Variants in BRIP1 observed in about 807,000 individuals in gnomAD.
The protein encoded by BRIP1 is Fanconi anemia group J protein.
In BRIP1, 88 loss-of-function variants were observed where a neutral mutation model predicts 119.7. That is an observed-to-expected ratio of 0.74 (90% CI 0.62 to 0.88). The LOEUF (loss-of-function observed/expected upper bound fraction) is 0.88. Ranked by LOEUF, BRIP1 falls within the 40% of genes least tolerant of loss-of-function variation. BRIP1 has a pLI of 0.00. For synonymous variants in BRIP1, 443 were observed against 496.5 expected (o/e 0.89, Z 1.43); for missense variants, 1,259 against 1,455.4 (o/e 0.87, Z 2.20).
In BRIP1 at chr17:61,831,989, A is replaced by T. The variant is rs1175249200; in HGVS notation, c.627+15112T>A. On this transcript the variant is annotated intron_variant, in intron 6 of 19. Transcript: ENST00000259008. This position sits in a 1 kb window ranked among gnomAD's most constrained non-coding sequence, Gnocchi z 4.1. ...GAGTCTGGGTTTGTGTACACAATACATTGTGTATATTCTCTAGCTGTCTGC... is the reference window on the plus strand; with the variant it reads ...GAGTCTGGGTTTGTGTACACAATACTTTGTGTATATTCTCTAGCTGTCTGC... Among the ~76,000 whole-genome samples, 1 of 152,208 alleles carries T rather than the reference A, an allele frequency of 6.6e-6. No homozygotes were observed. The highest frequency in any genetic ancestry group is 6.5e-5 in the Admixed American group (1 of 15,276).
At position 61,810,853 on chromosome 17, in the gene BRIP1, TAGAA is replaced by T. The variant is rs2078150525; in HGVS notation, c.628-2100_628-2097del. ...ATATCTTTCATATCTTTTTTTCAAA[TAGAA>T]AGGGATGCTATTATACAGTTTTACA... On this transcript the variant is annotated intron_variant, in intron 6 of 19. Transcript: ENST00000259008. The surrounding 1 kb of genome is among the most constrained non-coding windows in gnomAD (Gnocchi z 4.7). Among the ~76,000 whole-genome samples the T allele has an allele frequency of 6.6e-6, 1 of 152,218 alleles. No individual in the cohort carries two copies. Among genetic ancestry groups the T allele is most frequent in the African/African-American group, 2.4e-5 (1 of 41,468 alleles).
chr17:61,702,651 G>T (rs2061631905), intron 17 of BRIP1, among the ~76,000 whole-genome samples: 1 of 152,058 alleles, frequency 6.6e-6, no homozygotes, highest in South Asian at 2.1e-4. Context: ...TCTTTTTTAT[G>T]GTTACATAGT....
chr17:61,765,983 C>A (rs1421053913), intron 14 of BRIP1, among the ~76,000 whole-genome samples: 3 of 152,062 alleles, frequency 2.0e-5, no homozygotes, highest in Admixed American at 2.0e-4. Context: ...ATCTTCCTAA[C>A]AGTTTAGCTC....
At chr17:61,787,760 T>G (rs929283630) in intron 10 of BRIP1, among the ~76,000 whole-genome samples, 41 of 152,294 alleles carry the variant, frequency 2.7e-4, no homozygotes, top group Admixed American at 5.2e-4. Flanking sequence ...TTCTCCTGCC[T>G]CAGCCTCCTG....
intron 16 of BRIP1, among the ~76,000 whole-genome samples, chr17:61,718,146 G>A (rs372485645): frequency 6.6e-6 from 1 of 152,172 alleles, no homozygotes; most frequent in African/African-American, 2.4e-5. Flanking sequence ...ATTTTCCTCT[G>A]TATTATGGGT....
rs901103517 is a variant in BRIP1, at chr17:61,745,772, C to T, written c.2098-1181G>A. Among the ~76,000 whole-genome samples, 2 of 152,170 alleles carry T rather than the reference C, an allele frequency of 1.3e-5. No individual in the cohort carries two copies. Among genetic ancestry groups the T allele is most frequent in the African/African-American group, 2.4e-5 (1 of 41,520 alleles). Reference sequence around the variant, plus strand: ...TAAGAAAAGCACTCACAATTCGAAACATGTGGCATACAGCAATGGCAATAC... The same window carrying T: ...TAAGAAAAGCACTCACAATTCGAAATATGTGGCATACAGCAATGGCAATAC... On this transcript the variant is annotated intron_variant, in intron 14 of 19. Transcript: ENST00000259008. The surrounding 1 kb of genome is among the most constrained non-coding windows in gnomAD (Gnocchi z 4.4).
At chr17:61,791,435 G>C (rs536995115) in intron 10 of BRIP1, among the ~76,000 whole-genome samples, 3 of 122,228 alleles carry the variant, frequency 2.5e-5, no homozygotes, top group Non-Finnish European at 4.7e-5. Context: ...GTTGCAGTGA[G>C]CCGAGATCAC....
intron 14 of BRIP1, among the ~76,000 whole-genome samples, chr17:61,765,144 T>C (rs1041768027): frequency 2.6e-5 from 4 of 151,256 alleles, no homozygotes; most frequent in African/African-American, 9.7e-5. Context: ...GAGAAATAAA[T>C]TTATTTTCTT....
In BRIP1 at chr17:61,853,891, A is replaced by C. The variant is rs890550184; in HGVS notation, c.379+3167T>G. Among the ~76,000 whole-genome samples, 4 of 152,218 alleles carry C rather than the reference A, an allele frequency of 2.6e-5. No individual in the cohort carries two copies. Among genetic ancestry groups the C allele is most frequent in the Non-Finnish European group, 5.9e-5 (4 of 68,032 alleles). ...AATTATTCGAACAGACATATCATCA[A>C]ACAAGATACATGGATAGCTAATAAG... is the stretch of plus-strand genomic sequence containing the variant. On this transcript the variant is annotated intron_variant, in intron 4 of 19. Coordinates refer to ENST00000259008, the MANE Select transcript of BRIP1 (RefSeq NM_032043.3). The surrounding 1 kb of genome is among the most constrained non-coding windows in gnomAD (Gnocchi z 4.3).
intron 10 of BRIP1, among the ~76,000 whole-genome samples, chr17:61,788,821 G>T (rs531974167): frequency 7.2e-5 from 11 of 152,102 alleles, no homozygotes; most frequent in Admixed American, 2.0e-4. Context: ...AGCCAGGCAC[G>T]GGTGGCTCAT....
In BRIP1 at chr17:61,834,088, A is replaced by G. The variant is rs1210893158; in HGVS notation, c.627+13013T>C. Among the ~76,000 whole-genome samples the G allele has an allele frequency of 6.6e-6, 1 of 152,170 alleles. No individual in the cohort carries two copies. The highest frequency in any genetic ancestry group is 1.9e-4 in the East Asian group (1 of 5,200). Reference sequence around the variant, plus strand: ...GCAGGCAGCAGGCTGTATTCTGCCCATGGGTCATAGTTTGCCAACCACTGG... The same window carrying G: ...GCAGGCAGCAGGCTGTATTCTGCCCGTGGGTCATAGTTTGCCAACCACTGG... On this transcript the variant is annotated intron_variant, in intron 6 of 19. Coordinates refer to ENST00000259008, the MANE Select transcript of BRIP1 (RefSeq NM_032043.3). The surrounding 1 kb of genome is among the most constrained non-coding windows in gnomAD (Gnocchi z 4.4).
At position 61,844,495 on chromosome 17, in the gene BRIP1, T is replaced by G. The variant is rs1464650905; in HGVS notation, c.627+2606A>C. ...GTCCTTGCTATTCAGGAGGCTGGGG[T>G]TGGAGGATCACTTGAGCCTGGGATT... On this transcript the variant is annotated intron_variant, in intron 6 of 19. Coordinates refer to ENST00000259008, the MANE Select transcript of BRIP1 (RefSeq NM_032043.3). The surrounding 1 kb of genome is among the most constrained non-coding windows in gnomAD (Gnocchi z 4.7). Among the ~76,000 whole-genome samples, 1 of 152,018 alleles carries G rather than the reference T, an allele frequency of 6.6e-6. No homozygotes were observed. Among genetic ancestry groups the G allele is most frequent in the African/African-American group, 2.4e-5 (1 of 41,390 alleles).
At chr17:61,732,070 C>G (rs1324286755) in intron 16 of BRIP1, among the ~76,000 whole-genome samples, 3 of 150,350 alleles carry the variant, frequency 2.0e-5, no homozygotes, top group Admixed American at 1.3e-4. Context: ...CAACCTCCCC[C>G]TCCCAAGTTC....
rs560867991 is a variant in BRIP1 at position 61,844,402 on chromosome 17, C to T, written c.627+2699G>A. On this transcript the variant is annotated intron_variant, in intron 6 of 19. Coordinates refer to ENST00000259008, the MANE Select transcript of BRIP1 (RefSeq NM_032043.3). The surrounding 1 kb of genome is among the most constrained non-coding windows in gnomAD (Gnocchi z 4.7). ...GAGTTTGAGACCAACCTGGGCAACACAGTGAGACCTCATCTCTACAAAAAA... is the reference window on the plus strand; with the variant it reads ...GAGTTTGAGACCAACCTGGGCAACATAGTGAGACCTCATCTCTACAAAAAA... Among the ~76,000 whole-genome samples the T allele has an allele frequency of 5.3e-5, 8 of 152,196 alleles. No homozygotes were observed. Among genetic ancestry groups the T allele is most frequent in the Admixed American group, 1.3e-4 (2 of 15,292 alleles).
rs1003386369 is a variant in BRIP1, at chr17:61,863,413, C to T, written c.-160G>A. 6.6e-6 allele frequency: 1 copy of T among 152,414 alleles called. No individual in the cohort carries two copies. The highest frequency in any genetic ancestry group is 2.1e-4 in the South Asian group (1 of 4,826). The allele number at this position is 152,414 out of a possible 1,614,324, so 9.4% of individuals were successfully genotyped here. A position where few individuals can be genotyped will look rare whatever the true frequency, so the allele number is the denominator to read the frequency against. The stretch of plus-strand genomic sequence containing the variant: ...GAAAGGGCACGAGCCCTTCCTCCTC[C>T]CTCTTCCTGGGGGTGCTGCTACTTC... On this transcript the variant is annotated 5_prime_UTR_variant, in exon 1 of 20. Transcript: ENST00000259008.
Position 61,739,979 on chromosome 17 carries a change from T to C in BRIP1, c.2379+3034A>G, listed in dbSNP as rs1239459702. Among the ~76,000 whole-genome samples the C allele has an allele frequency of 6.6e-6, 1 of 152,178 alleles. No homozygotes were observed. Among genetic ancestry groups the C allele is most frequent in the Admixed American group, 6.5e-5 (1 of 15,274 alleles). ...TGGTTTAAGAATATTTCTTCCATTG[T>C]AAGTAATCGCATAACCGGGCAAAAT... On this transcript the variant is annotated intron_variant, in intron 16 of 19. Coordinates refer to ENST00000259008, the MANE Select transcript of BRIP1 (RefSeq NM_032043.3). This position sits in a 1 kb window ranked among gnomAD's most constrained non-coding sequence, Gnocchi z 6.0.
intron 6 of BRIP1, among the ~76,000 whole-genome samples, chr17:61,821,163 G>A (rs1352161194): frequency 1.3e-5 from 2 of 152,084 alleles, no homozygotes; most frequent in Admixed American, 6.6e-5. Context: ...GAAGCTGAAG[G>A]GAAGCTACAG....
At position 61,725,931 on chromosome 17, in the gene BRIP1, A is replaced by T. The variant is rs1298154641; in HGVS notation, c.2380-9868T>A. Among the ~76,000 whole-genome samples, 2 of 152,104 alleles carry T rather than the reference A, an allele frequency of 1.3e-5. No homozygotes were observed. The highest frequency in any genetic ancestry group is 2.9e-5 in the Non-Finnish European group (2 of 68,022). On this transcript the variant is annotated intron_variant, in intron 16 of 19. Transcript: ENST00000259008. This position sits in a 1 kb window ranked among gnomAD's most constrained non-coding sequence, Gnocchi z 5.3. Reference sequence around the variant, plus strand: ...GTTATCCACCATGCCTGGCCTAAAAAATTCTTTTTAAGAGTAATGACCTTT... The same window carrying T: ...GTTATCCACCATGCCTGGCCTAAAATATTCTTTTTAAGAGTAATGACCTTT...
At position 61,859,858 on chromosome 17, in the gene BRIP1, G is replaced by T. The variant is rs755317452; in HGVS notation, c.143C>A (p.Thr48Lys). 3.7e-6 allele frequency: 6 copies of T among 1,613,830 alleles called. No individual in the cohort carries two copies. The highest frequency in any genetic ancestry group is 4.2e-6 in the Non-Finnish European group (5 of 1,179,898). The stretch of plus-strand genomic sequence containing the variant: ...TAAGGCTAAGCTTTTTCCACTTCCT[G>T]TGGGACTCTCCAACAAACAATGTTG... ...SKQHCLLESP[T>K]GSGKSLALLC... The change falls in exon 3 of 20, where the codon ACA (threonine) becomes AAA (lysine). Residue 48 changes from threonine (T) to lysine (K), a missense_variant. Physicochemically the swap from Thr to Lys is moderately conservative, Grantham distance 78. Around this residue, in one of 3 missense-constraint regions of BRIP1, gnomAD observed 501 missense variants for 544.0 expected, o/e 0.92. Transcript: ENST00000259008.
Sources: allele counts gnomAD v4.1 joint callset (sites outside exome capture counted in the v4.1 genomes callset), GRCh38; gene constraint gnomAD v4.1.1; regional missense constraint gnomAD v4.1.1; non-coding constraint Gnocchi (gnomAD v3.1); transcripts MANE v1.5; gene names NCBI Gene and HGNC (gene_info 2026-07-23, HGNC 2026-07-21).